Variants in CCDC171 observed in about 807,000 individuals in gnomAD.
The protein encoded by CCDC171 is coiled-coil domain containing 171, also known as coiled-coil domain-containing protein 171.
Under a neutral mutation model 168.2 loss-of-function variants are expected in CCDC171, and 177 were observed. That is an observed-to-expected ratio of 1.05 (90% CI 0.93 to 1.19). The LOEUF (loss-of-function observed/expected upper bound fraction) is 1.19, where lower values mean the gene tolerates loss of function less well. CCDC171 is among the 50% of genes most tolerant of loss of function. The probability of loss-of-function intolerance (pLI) is 0.00; values close to 1 mark genes in which losing one functional copy is unlikely to be tolerated. For synonymous variants in CCDC171, 687 were observed against 540.8 expected (o/e 1.27, Z -3.75); for missense variants, 1,991 against 1,539.0 (o/e 1.29, Z -4.91).
At chr9:15,672,585 G>C (rs2049200866) in intron 9 of CCDC171, among the ~76,000 whole-genome samples, 1 of 151,986 alleles carries the variant, frequency 6.6e-6, no homozygotes, top group Admixed American at 6.6e-5. Flanking sequence ...GCCAATTTCT[G>C]AACACCATTT....
intron 3 of CCDC171, among the ~76,000 whole-genome samples, chr9:16,016,066 T>A (rs1437304996): frequency 6.6e-6 from 1 of 152,224 alleles, no homozygotes; most frequent in East Asian, 1.9e-4. Context: ...TGAATAGTGC[T>A]GCTATAAACA....
At chr9:15,734,746 A>G (rs1201293356) in intron 16 of CCDC171, among the ~76,000 whole-genome samples, 2 of 152,150 alleles carry the variant, frequency 1.3e-5, no homozygotes, top group Non-Finnish European at 2.9e-5. Context: ...TATATCTTTT[A>G]CCACCAAAAG....
intron 6 of CCDC171, among the ~76,000 whole-genome samples, chr9:15,607,175 C>G (rs1202801850): frequency 6.6e-6 from 1 of 152,060 alleles, no homozygotes; most frequent in Non-Finnish European, 1.5e-5. Context: ...CCCAATATAA[C>G]CCAGCAATAC....
intron 3 of CCDC171, among the ~76,000 whole-genome samples, chr9:16,002,294 C>T (rs182734921): frequency 3.9e-4 from 59 of 151,942 alleles, no homozygotes; most frequent in African/African-American, 1.3e-3. Context: ...TGTGTTATTG[C>T]TCCTGGAGAC....
At chr9:15,755,413 T>G (rs994890469) in intron 18 of CCDC171, among the ~76,000 whole-genome samples, 1 of 152,122 alleles carries the variant, frequency 6.6e-6, no homozygotes, top group Non-Finnish European at 1.5e-5. Flanking sequence ...AGCTAGCAAT[T>G]CACTCCTAGG....
intron 24 of CCDC171, among the ~76,000 whole-genome samples, chr9:15,908,043 T>C (rs1398035768): frequency 6.6e-6 from 1 of 151,600 alleles, no homozygotes; most frequent in Non-Finnish European, 1.5e-5. Flanking sequence ...AGGAACACTT[T>C]TACACTGTTG....
chr9:16,001,634 T>G (rs973466391), intron 3 of CCDC171, among the ~76,000 whole-genome samples: 9 of 152,014 alleles, frequency 5.9e-5, no homozygotes, highest in African/African-American at 2.2e-4. Context: ...CCCATAAGAT[T>G]ATAATAGAGC....
chr9:16,102,311 G>A, the CCDC171 span, among the ~76,000 whole-genome samples: 4 of 152,122 alleles, frequency 2.6e-5, no homozygotes, highest in Admixed American at 2.0e-4. Context: ...ATATACACAC[G>A]CGCTTGCTCT....
In CCDC171 at chr9:15,816,136, A is replaced by T. The variant is rs552199892; in HGVS notation, c.3268-30566A>T. Among the ~76,000 whole-genome samples, 2 of 117,914 alleles carry T rather than the reference A, an allele frequency of 1.7e-5. 1 individual carries two copies. Among genetic ancestry groups the T allele is most frequent in the South Asian group, 5.5e-4 (2 of 3,650 alleles). The allele number at this position is 117,914 out of a possible 152,430, so 77.4% of individuals were successfully genotyped here. A position where few individuals can be genotyped will look rare whatever the true frequency, so the allele number is the denominator to read the frequency against. On this transcript the variant is annotated intron_variant, in intron 21 of 25. Coordinates refer to ENST00000380701, the MANE Select transcript of CCDC171 (RefSeq NM_173550.4). ...TCCTTTTTTCAAAGTGTATGTTCTCATACATAATTTTAAAAACGTTTTTTC... is the reference window on the plus strand; with the variant it reads ...TCCTTTTTTCAAAGTGTATGTTCTCTTACATAATTTTAAAAACGTTTTTTC...
rs368465624 is a variant in CCDC171 at position 15,781,714 on chromosome 9, G to T, written c.3081+2564G>T. ...AGATGTGAGCCACCACACCTGGCCA[G>T]TACTTAATTTTTATATATTGTCCTA... On this transcript the variant is annotated intron_variant, in intron 20 of 25. Coordinates refer to ENST00000380701, the MANE Select transcript of CCDC171 (RefSeq NM_173550.4). 6.6e-5 allele frequency among the ~76,000 whole-genome samples: 10 copies of T among 152,146 alleles called. No individual in the cohort carries two copies. The East Asian group carries it at 7.7e-4, about 12-fold the overall frequency.
chr9:15,978,466 G>C (rs888427986), downstream of CCDC171, among the ~76,000 whole-genome samples: 173 of 152,284 alleles, frequency 1.1e-3, 2 homozygotes, highest in Non-Finnish European at 6.9e-4. Context: ...ATCAGCTTCA[G>C]CGTCCCTCCT....
intron 18 of CCDC171, chr9:15,776,304 T>G (rs2057325376): frequency 6.6e-6 from 1 of 152,196 alleles, no homozygotes; most frequent in Non-Finnish European, 1.5e-5. Context: ...GTTATTTATT[T>G]AAGGAATATG....
chr9:16,022,525 G>C (rs1284556150), exon 5 of CCDC171: 1 of 152,322 alleles, frequency 6.6e-6, no homozygotes, highest in Non-Finnish European at 1.5e-5. Flanking sequence ...TTCAGCTCTG[G>C]ATCGCCCAGA....
chr9:15,856,838 G>A (rs572916027), intron 23 of CCDC171, among the ~76,000 whole-genome samples: 9 of 152,016 alleles, frequency 5.9e-5, no homozygotes, highest in Non-Finnish European at 1.3e-4. Context: ...GTGTACATGG[G>A]TTCCAGTTTC....
intron 21 of CCDC171, among the ~76,000 whole-genome samples, chr9:15,819,445 A>G (rs1418794641): frequency 8.5e-6 from 1 of 117,248 alleles, no homozygotes; most frequent in Non-Finnish European, 1.9e-5. Flanking sequence ...CAGGAAACCC[A>G]TCTCACGTGC....
intron 21 of CCDC171, among the ~76,000 whole-genome samples, chr9:15,800,791 A>G (rs2058784723): frequency 6.6e-6 from 1 of 152,104 alleles, no homozygotes; most frequent in Non-Finnish European, 1.5e-5. Context: ...ATGTTTGTGT[A>G]TGACAAGAGA....
chr9:15,631,356 C>A (rs1017312048), intron 7 of CCDC171, among the ~76,000 whole-genome samples: 17 of 152,120 alleles, frequency 1.1e-4, no homozygotes, highest in Non-Finnish European at 2.4e-4. Context: ...ACCGATCCCA[C>A]AGAAATACAA....
intron 10 of CCDC171, among the ~76,000 whole-genome samples, chr9:15,691,708 T>C (rs2133697075): frequency 6.6e-6 from 1 of 152,082 alleles, no homozygotes; most frequent in East Asian, 1.9e-4. Flanking sequence ...GGCAAGGTCT[T>C]GCTCTGTCGC....
At position 15,779,034 on chromosome 9, in the gene CCDC171, G is replaced by T; in HGVS notation, c.2965G>T (p.Glu989Ter). The change falls in exon 20 of 26, where the codon GAG becomes TAG. Residue 989 changes from glutamate to a stop codon, truncating the protein, a stop_gained. Transcript: ENST00000380701. LOFTEE classifies it high-confidence loss of function. ...ACAAAGACTGCATGCTGCAGAAGTG[G>T]AGCGCCGCTCACTACGCTTAGAGGT... ...FTQRLHAAEV[E>*]RRSLRLEVTE... 8 of 1,600,118 alleles carry T rather than the reference G, an allele frequency of 5.0e-6. No individual in the cohort carries two copies. Among genetic ancestry groups the T allele is most frequent in the Non-Finnish European group, 6.8e-6 (8 of 1,173,946 alleles).
Sources: gnomAD v4.1 joint callset for allele counts (sites outside exome capture counted in the v4.1 genomes callset) on GRCh38, gnomAD v4.1.1 for gene constraint, MANE v1.5 for transcripts, NCBI Gene and HGNC (gene_info 2026-07-23, HGNC 2026-07-21) for gene names.